L2HGDH: variants seen among roughly 807,000 people sequenced by gnomAD.
L2HGDH encodes L-2-hydroxyglutarate dehydrogenase.
In L2HGDH, 34 loss-of-function variants were observed where a neutral mutation model predicts 51.5. That is an observed-to-expected ratio of 0.66 (90% CI 0.50 to 0.88). The LOEUF (loss-of-function observed/expected upper bound fraction) is 0.88. L2HGDH is among the 40% of genes least tolerant of loss of function. L2HGDH has a pLI of 0.00. For missense variants in L2HGDH, 558 were observed against 571.9 expected (o/e 0.98, Z 0.25); for synonymous variants, 198 against 197.9 (o/e 1.00, Z -0.01).
intron 1 of L2HGDH, among the ~76,000 whole-genome samples, chr14:50,307,195 G>C (rs1039410614): frequency 6.6e-6 from 1 of 152,262 alleles, no homozygotes; most frequent in Middle Eastern, 3.4e-3. Flanking sequence ...CCTTGGTACA[G>C]ATTCCCAGCC....
chr14:50,309,604 G>A (rs2139233548), intron 1 of L2HGDH, among the ~76,000 whole-genome samples: 1 of 150,996 alleles, frequency 6.6e-6, no homozygotes, highest in South Asian at 2.1e-4. Context: ...CAAGAGTTAG[G>A]AAGAATGGAG....
chr14:50,269,170 A>G lies in L2HGDH; in HGVS notation c.899T>C (p.Ile300Thr). Residue 300 changes from isoleucine to threonine, a missense_variant, in exon 7 of 10, where the codon ATT becomes ACT. Around this residue, in one of 3 missense-constraint regions of L2HGDH, gnomAD observed 321 missense variants for 311.8 expected, o/e 1.03. Coordinates refer to ENST00000267436, the MANE Select transcript of L2HGDH (RefSeq NM_024884.3). The part of the protein sequence containing the change: ...PEKCYLVKGN[I>T]YPVPDSRFPF... ...GGAAGCATCATTACCTACCGGATAAATATTTCCTTTTACAAGATAACATTT... is the reference window on the plus strand; with the variant it reads ...GGAAGCATCATTACCTACCGGATAAGTATTTCCTTTTACAAGATAACATTT... 1 of 1,613,940 alleles carries G rather than the reference A, an allele frequency of 6.2e-7. No individual in the cohort carries two copies. Among genetic ancestry groups the G allele is most frequent in the East Asian group, 2.2e-5 (1 of 44,862 alleles).
At chr14:50,281,110 G>C (rs1890244015) in intron 5 of L2HGDH, among the ~76,000 whole-genome samples, 1 of 151,958 alleles carries the variant, frequency 6.6e-6, no homozygotes, top group Non-Finnish European at 1.5e-5. Context: ...TTCACAATTA[G>C]ATTTGCTGTC....
intron 9 of L2HGDH, 65 bp from the exon 10 acceptor site, chr14:50,247,318 TC>T: frequency 6.4e-7 from 1 of 1,568,180 alleles, no homozygotes; most frequent in Non-Finnish European, 8.7e-7. Context: ...AGTCAGCGTT[TC>T]CAAAAAGTCT....
At chr14:50,255,476 C>T (rs1009287154) in intron 9 of L2HGDH, among the ~76,000 whole-genome samples, 4 of 140,826 alleles carry the variant, frequency 2.8e-5, no homozygotes, top group African/African-American at 5.3e-5. Flanking sequence ...GTGGAGGTTG[C>T]GGTGAGCCAA....
intron 9 of L2HGDH, among the ~76,000 whole-genome samples, chr14:50,250,868 T>C (rs990822528): frequency 8.5e-5 from 13 of 152,222 alleles, no homozygotes; most frequent in African/African-American, 3.1e-4. Flanking sequence ...CAAGTCCCTT[T>C]GAATACCTGG....
At chr14:50,264,436 A>G (rs968491593) in intron 9 of L2HGDH, among the ~76,000 whole-genome samples, 4 of 152,182 alleles carry the variant, frequency 2.6e-5, no homozygotes, top group South Asian at 2.1e-4. Context: ...ACACCCCTGT[A>G]GCAAGGACTC....
intron 9 of L2HGDH, among the ~76,000 whole-genome samples, chr14:50,260,947 C>T (rs1888981707): frequency 6.6e-6 from 1 of 152,072 alleles, no homozygotes; most frequent in Admixed American, 6.6e-5. Context: ...GAAACCCCAT[C>T]TCTACTAAAA....
At chr14:50,269,896 T>C (rs542143087) in intron 6 of L2HGDH, among the ~76,000 whole-genome samples, 4 of 152,362 alleles carry the variant, frequency 2.6e-5, no homozygotes, top group African/African-American at 7.2e-5. Context: ...TTATTACCTA[T>C]TGATAATTAT....
intron 3 of L2HGDH, among the ~76,000 whole-genome samples, chr14:50,296,593 TAA>T (rs113103736): frequency 6.9e-4 from 81 of 117,434 alleles, no homozygotes; most frequent in African/African-American, 1.4e-3. Context: ...CTTCCCACAT[TAA>T]AAAAAAAAAA....
At chr14:50,247,512 T>C (rs1157382271) in intron 9 of L2HGDH, among the ~76,000 whole-genome samples, 2 of 152,214 alleles carry the variant, frequency 1.3e-5, no homozygotes, top group East Asian at 3.8e-4. Context: ...AAGTAAGTTA[T>C]TTATCAATGT....
Position 50,302,028 on chromosome 14 carries a change from G to A in L2HGDH, c.397C>T (p.Gln133Ter). 3 of 1,614,074 alleles carry A rather than the reference G, an allele frequency of 1.9e-6. No homozygotes were observed. In the East Asian group the frequency reaches 6.7e-5, roughly 36 times the overall value. The change falls in exon 3 of 10, where the codon CAG (glutamine) becomes TAG (stop). Residue 133 changes from glutamine to a stop codon, truncating the protein, a stop_gained. Transcript: ENST00000267436. LOFTEE classifies it high-confidence loss of function. The part of the protein sequence containing the change: ...YCQQKGISYK[Q>*]CGKLIVAVEQ... The stretch of plus-strand genomic sequence containing the variant: ...ATAAAATGCCATACCTTGCCACACT[G>A]CTTGTAGGAAATTCCCTTTTGCTGA...
intron 1 of L2HGDH, among the ~76,000 whole-genome samples, chr14:50,306,195 T>A (rs1187683750): frequency 6.6e-6 from 1 of 151,858 alleles, no homozygotes; most frequent in East Asian, 1.9e-4. Flanking sequence ...GGACTACAGG[T>A]GCGCGCCACC....
chr14:50,281,840 A>G (rs1890289614), intron 5 of L2HGDH, among the ~76,000 whole-genome samples: 1 of 151,502 alleles, frequency 6.6e-6, no homozygotes, highest in South Asian at 2.1e-4. Context: ...GATACTTTTT[A>G]TTTTTTTTGT....
chr14:50,282,899 G>A (rs185936533), intron 5 of L2HGDH, among the ~76,000 whole-genome samples: 92 of 151,784 alleles, frequency 6.1e-4, no homozygotes, highest in African/African-American at 1.9e-3. Flanking sequence ...AAATTGGGAC[G>A]GGCACGGTGG....
chr14:50,285,211 C>G (rs989607438), intron 4 of L2HGDH, among the ~76,000 whole-genome samples: 1 of 152,172 alleles, frequency 6.6e-6, no homozygotes, highest in African/African-American at 2.4e-5. Context: ...GATGCCACTG[C>G]GCTCCAGCCT....
In L2HGDH at chr14:50,259,510, T is replaced by C. The variant is rs1468066857; in HGVS notation, c.1196+5848A>G. 1.3e-5 allele frequency among the ~76,000 whole-genome samples: 2 copies of C among 151,220 alleles called. 1 individual carries two copies. The highest frequency in any genetic ancestry group is 2.9e-5 in the Non-Finnish European group (2 of 67,818). ...CAGGCATGAGCCACCCCGCCCGGCC[T>C]CAATGTGTATTTCTTTTAAAAAGAT... On this transcript the variant is annotated intron_variant, in intron 9 of 9. Transcript: ENST00000267436.
chr14:50,301,767 A>G (rs891790629), intron 3 of L2HGDH, among the ~76,000 whole-genome samples: 3 of 152,120 alleles, frequency 2.0e-5, no homozygotes, highest in Admixed American at 6.6e-5. Flanking sequence ...TCAGCTCTAT[A>G]AATATACTAA....
At chr14:50,269,354 T>C (rs760004780) in intron 6 of L2HGDH, 24 bp from the exon 7 acceptor site, 1 of 1,610,844 alleles carries the variant, frequency 6.2e-7, no homozygotes, top group East Asian at 2.2e-5. Context: ...AAAGAACAGT[T>C]ATTTGTATAA....
Sources: allele counts gnomAD v4.1 joint callset (sites outside exome capture counted in the v4.1 genomes callset), GRCh38; gene constraint gnomAD v4.1.1; regional missense constraint gnomAD v4.1.1; transcripts MANE v1.5; gene names NCBI Gene and HGNC (gene_info 2026-07-23, HGNC 2026-07-21).